The following FLG variants were observed in gnomAD, a reference collection of about 807,000 sequenced individuals.
FLG encodes epidermal filaggrin.
In FLG, 6 loss-of-function variants were observed where a neutral mutation model predicts 3.8. That is an observed-to-expected ratio of 1.60 (90% confidence interval 0.87 to 3.15). FLG has a LOEUF of 3.15. Ranked by LOEUF, FLG falls within the 30% of genes most tolerant of loss-of-function variation. The pLI is 0.00. For missense variants in FLG, 7,595 were observed against 5,050.9 expected, an observed-to-expected ratio of 1.50 and a Z score of -15.27; for synonymous variants, 2,551 against 1,931.6, an observed-to-expected ratio of 1.32 and a Z score of -8.41.
At position 152,313,230 on chromosome 1, in the gene FLG, C is replaced by A; in HGVS notation, c.1656G>T (p.Gln552His). Reference protein sequence around the residue: ...SGSHHSHTTSQGRSDASHGQS... With the variant: ...SGSHHSHTTSHGRSDASHGQS... ...GCCCATGGGAGGCATCAGACCTTCC[C>A]TGGGATGTGGTGTGGCTGTGATGGG... The change falls in exon 3 of 3, where the codon CAG (glutamine) becomes CAT (histidine). Residue 552 changes from glutamine (Q) to histidine (H), a missense_variant. Coordinates refer to ENST00000368799, the MANE Select transcript of FLG (RefSeq NM_002016.2). 1 of 1,613,862 alleles carries A rather than the reference C, an allele frequency of 6.2e-7. No individual in the cohort carries two copies. The highest frequency in any genetic ancestry group is 8.5e-7 in the Non-Finnish European group (1 of 1,180,004).
rs1230662505 is a variant in FLG at position 152,309,903 on chromosome 1, G to C, written c.4983C>G (p.Ser1661=). ...GGGATGATGCAGCCTGTCCACCAGAGGAAGTCTCTGCATGACGAGTGCCTG... is the reference window on the plus strand; with the variant it reads ...GGGATGATGCAGCCTGTCCACCAGACGAAGTCTCTGCATGACGAGTGCCTG... ...RQSGTRHAET[S]SGGQAASSQE... Residue 1661 remains serine, a synonymous_variant, in exon 3 of 3, where the codon TCC becomes TCG. Transcript: ENST00000368799. The C allele has an allele frequency of 5.0e-6, 8 of 1,614,114 alleles. No homozygotes were observed.
At position 152,310,213 on chromosome 1, in the gene FLG, C is replaced by A; in HGVS notation, c.4673G>T (p.Gly1558Val). Residue 1558 changes from glycine (G) to valine (V), a missense_variant, in exon 3 of 3, where the codon GGG becomes GTG. Coordinates refer to ENST00000368799, the MANE Select transcript of FLG (RefSeq NM_002016.2). ...EQSGDGSRHS[G>V]SRHHEPSTRA... ...AGTGGAAGGTTCATGGTGACGTGAC[C>A]CTGAGTGCCTGGAGCCGTCTCCTGA... 1 of 1,613,604 alleles carries A rather than the reference C, an allele frequency of 6.2e-7. No homozygotes were observed. The highest frequency in any genetic ancestry group is 8.5e-7 in the Non-Finnish European group (1 of 1,179,872).
Position 152,305,150 on chromosome 1 carries a change from G to C in FLG, c.9736C>G (p.Gln3246Glu). The change falls in exon 3 of 3, where the codon CAG (glutamine) becomes GAG (glutamate). Residue 3246 changes from glutamine (Q) to glutamate (E), a missense_variant. Transcript: ENST00000368799. ...SRNHRGSVQE[Q>E]SRHGSRHPRS... ...GGGTGTCTGGAGCCGTGCCTTGACTGCTCCTGAACAGATCCACGATGGTTT... is the reference window on the plus strand; with the variant it reads ...GGGTGTCTGGAGCCGTGCCTTGACTCCTCCTGAACAGATCCACGATGGTTT... 1 of 1,613,906 alleles carries C rather than the reference G, an allele frequency of 6.2e-7. No individual in the cohort carries two copies. The highest frequency in any genetic ancestry group is 8.5e-7 in the Non-Finnish European group (1 of 1,179,976).
Position 152,307,589 on chromosome 1 carries a change from T to A in FLG, c.7297A>T (p.Thr2433Ser), listed in dbSNP as rs771774559. The A allele has an allele frequency of 6.2e-7, 1 of 1,613,568 alleles. No individual in the cohort carries two copies. ...QSESAHGRTG[T>S]STGGRQGSHH... ...GATCCTTGTCTTCCTCCAGTGCTGG[T>A]CCCGGTCCGTCCATGGGCGGACTCA... The change falls in exon 3 of 3, where the codon ACC becomes TCC. Residue 2433 changes from threonine (T) to serine (S), a missense_variant. Transcript: ENST00000368799.
Position 152,308,112 on chromosome 1 carries a change from C to A in FLG, c.6774G>T (p.Arg2258Ser), listed in dbSNP as rs1557875018. 1.9e-6 allele frequency: 3 copies of A among 1,613,412 alleles called. No homozygotes were observed. The highest frequency in any genetic ancestry group is 2.5e-6 in the Non-Finnish European group (3 of 1,179,900). Residue 2258 changes from arginine (R) to serine (S), a missense_variant, in exon 3 of 3, where the codon AGG (arginine) becomes AGT (serine). Physicochemically the swap from Arg to Ser is moderately radical, Grantham distance 110. Coordinates refer to ENST00000368799, the MANE Select transcript of FLG (RefSeq NM_002016.2). ...DSEGHSEDSE[R>S]RSGSASRNHH... ...GGTTTCTGGACGCAGACCCAGACCGCCTCTCAGAATCTTCTGAGTGTCCCT... is the reference window on the plus strand; with the variant it reads ...GGTTTCTGGACGCAGACCCAGACCGACTCTCAGAATCTTCTGAGTGTCCCT...
Position 152,312,158 on chromosome 1 carries a change from C to A in FLG, c.2728G>T (p.Gly910Trp). The change falls in exon 3 of 3, where the codon GGG becomes TGG. Residue 910 changes from glycine (G) to tryptophan (W), a missense_variant. Physicochemically the swap from Gly to Trp is radical, Grantham distance 184 (BLOSUM62 -2). Coordinates refer to ENST00000368799, the MANE Select transcript of FLG (RefSeq NM_002016.2). Reference protein sequence around the residue: ...EQSRDGSRHSGSRHHEASSHA... With the variant: ...EQSRDGSRHSWSRHHEASSHA... ...GAGGAAGCTTCATGGTGACGTGACC[C>A]TGAGTGCCTGGAGCCGTCTCTTGAT... The A allele has an allele frequency of 1.2e-6, 2 of 1,614,022 alleles. No homozygotes were observed. Among genetic ancestry groups the A allele is most frequent in the Non-Finnish European group, 1.7e-6 (2 of 1,180,014 alleles).
intron 1 of FLG, among the ~76,000 whole-genome samples, chr1:152,316,389 A>G (rs1652789608): frequency 6.6e-6 from 1 of 152,058 alleles, no homozygotes; most frequent in Non-Finnish European, 1.5e-5. Flanking sequence ...GAGATGAAAA[A>G]GGGGAATTAA....
rs1335777806 is a variant in FLG at position 152,307,439 on chromosome 1, C to T, written c.7447G>A (p.Asp2483Asn). Residue 2483 changes from aspartate (D) to asparagine (N), a missense_variant, in exon 3 of 3, where the codon GAT becomes AAT. Coordinates refer to ENST00000368799, the MANE Select transcript of FLG (RefSeq NM_002016.2). ...TGAGACCCTGAGTGTCCAGATCTAT[C>T]TACCAATTGCTCGTAGTGGGATCCC... ...RQGSHYEQLVDRSGHSGSHHS... is the reference protein window; with the variant it reads ...RQGSHYEQLVNRSGHSGSHHS... 1.2e-6 allele frequency: 2 copies of T among 1,613,276 alleles called. No homozygotes were observed. Among genetic ancestry groups the T allele is most frequent in the East Asian group, 2.2e-5 (1 of 44,730 alleles).
Position 152,311,963 on chromosome 1 carries a change from G to A in FLG, c.2923C>T (p.Gln975Ter), listed in dbSNP as rs779879400. 2.5e-6 allele frequency: 4 copies of A among 1,614,072 alleles called. No individual in the cohort carries two copies. The highest frequency in any genetic ancestry group is 3.4e-6 in the Non-Finnish European group (4 of 1,179,972). Residue 975 changes from glutamine to a stop codon, truncating the protein, a stop_gained, in exon 3 of 3, where the codon CAG becomes TAG. Transcript: ENST00000368799. LOFTEE classifies it low-confidence loss of function (END_TRUNC). ...CTGGAGCCATGTCTTGACTGCTCCT[G>A]AGCAGATCCACGATGGTTTCTGGAA... is the stretch of plus-strand genomic sequence containing the variant. ...SASRNHRGSA[Q>*]EQSRHGSRHP...
chr1:152,303,322 C>T lies in FLG; in HGVS notation c.11564G>A (p.Arg3855Lys), dbSNP rs375448938. 3 of 1,614,074 alleles carry T rather than the reference C, an allele frequency of 1.9e-6. No individual in the cohort carries two copies. The East Asian group carries it at 6.7e-5, about 36-fold the overall frequency. Reference protein sequence around the residue: ...SGQGESAGSRRSRRQGSSVSQ... With the variant: ...SGQGESAGSRKSRRQGSSVSQ... ...AACACTGGATCCCTGGCGCCTGCTT[C>T]TCCTGGACCCCGCTGATTCACCCTG... The change falls in exon 3 of 3, where the codon AGA becomes AAA. Residue 3855 changes from arginine to lysine, a missense_variant. Coordinates refer to ENST00000368799, the MANE Select transcript of FLG (RefSeq NM_002016.2).
chr1:152,311,175 G>T lies in FLG; in HGVS notation c.3711C>A (p.His1237Gln). The T allele has an allele frequency of 6.2e-7, 1 of 1,613,850 alleles. No individual in the cohort carries two copies. Among genetic ancestry groups the T allele is most frequent in the Non-Finnish European group, 8.5e-7 (1 of 1,179,986 alleles). The change falls in exon 3 of 3, where the codon CAC becomes CAA. Residue 1237 changes from histidine (H) to glutamine (Q), a missense_variant. Coordinates refer to ENST00000368799, the MANE Select transcript of FLG (RefSeq NM_002016.2). ...GDGSRHSGSR[H>Q]HEAASWADSS... ...TGTCAGCCCAAGAGGCAGCTTCATG[G>T]TGACGTGACCCTGAGTGCCTGGAGC...
rs748281982 is a variant in FLG at position 152,302,939 on chromosome 1, C to A, written c.11947G>T (p.Asp3983Tyr). 2 of 1,614,196 alleles carry A rather than the reference C, an allele frequency of 1.2e-6. No homozygotes were observed. Among genetic ancestry groups the A allele is most frequent in the South Asian group, 2.2e-5 (2 of 91,084 alleles). ...AACCCGGATTCACCATAATCATAAT[C>A]TGCACTACCATAGCTGCCATGTCTC... Reference protein sequence around the residue: ...VWRHGSYGSADYDYGESGFRH... With the variant: ...VWRHGSYGSAYYDYGESGFRH... Residue 3983 changes from aspartate to tyrosine, a missense_variant, in exon 3 of 3, where the codon GAT (aspartate) becomes TAT (tyrosine). Coordinates refer to ENST00000368799, the MANE Select transcript of FLG (RefSeq NM_002016.2).
chr1:152,311,830 G>A lies in FLG; in HGVS notation c.3056C>T (p.Ala1019Val), dbSNP rs193210331. The stretch of plus-strand genomic sequence containing the variant: ...TGATCTTGCCTGTTCATGGGATGAC[G>A]CAGCCTGTCCACCAGAGGAAGTCTC... ...HAETSSGGQAASSHEQARSSP... is the reference protein window; with the variant it reads ...HAETSSGGQAVSSHEQARSSP... Residue 1019 changes from alanine (A) to valine (V), a missense_variant, in exon 3 of 3, where the codon GCG becomes GTG. Physicochemically the swap from Ala to Val is moderately conservative, Grantham distance 64. Coordinates refer to ENST00000368799, the MANE Select transcript of FLG (RefSeq NM_002016.2). 1.2e-4 allele frequency: 198 copies of A among 1,614,042 alleles called. No homozygotes were observed. The Middle Eastern group carries it at 1.5e-3, about 12-fold the overall frequency.
rs1652572159 is a variant in FLG, at chr1:152,313,019, G to A, written c.1867C>T (p.Gln623Ter). The change falls in exon 3 of 3, where the codon CAG (glutamine) becomes TAG (stop). Residue 623 changes from glutamine (Q) to a stop codon, truncating the protein, a stop_gained. Coordinates refer to ENST00000368799, the MANE Select transcript of FLG (RefSeq NM_002016.2). LOFTEE classifies it low-confidence loss of function (END_TRUNC). ...GAGTGTCCCTGACTGTCACTGTCCT[G>A]GCTAACACTGGATCCCTGGTTCCTA... ...TSRNQGSSVSQDSDSQGHSED... is the reference protein window; with the variant it reads ...TSRNQGSSVS The A allele has an allele frequency of 6.2e-7, 1 of 1,613,960 alleles. No individual in the cohort carries two copies. Among genetic ancestry groups the A allele is most frequent in the Non-Finnish European group, 8.5e-7 (1 of 1,180,018 alleles).
chr1:152,314,225 CT>C lies in FLG; in HGVS notation c.660del (p.Gly221GlufsTer3), dbSNP rs756626190. ...TGTATCCATTTTTGAGTCATTCTTC[CT>C]GTATTTTCATAATCATATACTCCTT... The part of the protein sequence containing the change: ...NEEGVYDYEN[T>X]GRMTQKWIQS... On this transcript the variant is annotated frameshift_variant, in exon 3 of 3. Coordinates refer to ENST00000368799, the MANE Select transcript of FLG (RefSeq NM_002016.2). LOFTEE classifies it low-confidence loss of function (END_TRUNC). The C allele has an allele frequency of 4.3e-6, 7 of 1,613,732 alleles. No individual in the cohort carries two copies. Among genetic ancestry groups the C allele is most frequent in the East Asian group, 4.5e-5 (2 of 44,866 alleles).
At position 152,313,426 on chromosome 1, in the gene FLG, G is replaced by A; in HGVS notation, c.1460C>T (p.Thr487Ile). 1 of 1,613,860 alleles carries A rather than the reference G, an allele frequency of 6.2e-7. No individual in the cohort carries two copies. Among genetic ancestry groups the A allele is most frequent in the Non-Finnish European group, 8.5e-7 (1 of 1,179,976 alleles). ...CGATCCTTGTCTTCCTCCAGTGCTG[G>A]TCCCGGTCCGTCCATGGGCAGAGTC... ...QPDSAHGRTG[T>I]STGGRQGSHH... Residue 487 changes from threonine to isoleucine, a missense_variant, in exon 3 of 3, where the codon ACC (threonine) becomes ATC (isoleucine). Physicochemically the swap from Thr to Ile is moderately conservative, Grantham distance 89. Coordinates refer to ENST00000368799, the MANE Select transcript of FLG (RefSeq NM_002016.2).
chr1:152,307,679 G>C lies in FLG; in HGVS notation c.7207C>G (p.Arg2403Gly). 1 of 1,613,406 alleles carries C rather than the reference G, an allele frequency of 6.2e-7. No individual in the cohort carries two copies. The highest frequency in any genetic ancestry group is 8.5e-7 in the Non-Finnish European group (1 of 1,179,880). ...GAACGTCCAGACCTTCCTGCTGACC[G>C]GCCACGTGTGGACTCTTGGTGGCTC... ...QQSHQESTRG[R>G]SAGRSGRSGS... Residue 2403 changes from arginine to glycine, a missense_variant, in exon 3 of 3, where the codon CGG becomes GGG. By Grantham distance (125) the Arg-to-Gly change is moderately radical. Coordinates refer to ENST00000368799, the MANE Select transcript of FLG (RefSeq NM_002016.2).
At position 152,312,378 on chromosome 1, in the gene FLG, A is replaced by T; in HGVS notation, c.2508T>A (p.Asp836Glu). The T allele has an allele frequency of 6.2e-7, 1 of 1,610,810 alleles. No homozygotes were observed. Among genetic ancestry groups the T allele is most frequent in the African/African-American group, 1.4e-5 (1 of 73,656 alleles). The change falls in exon 3 of 3, where the codon GAT becomes GAA. Residue 836 changes from aspartate (D) to glutamate (E), a missense_variant. Physicochemically the swap from Asp to Glu is conservative, Grantham distance 45. Transcript: ENST00000368799. Reference protein sequence around the residue: ...RDNSRHSASQDGQDTIRGHPG... With the variant: ...RDNSRHSASQEGQDTIRGHPG... Reference sequence around the variant, plus strand: ...GGTGTCCACGAATGGTGTCCTGACCATCTTGGGATGCTGAGTGCCTGGAGT... The same window carrying T: ...GGTGTCCACGAATGGTGTCCTGACCTTCTTGGGATGCTGAGTGCCTGGAGT...
Position 152,303,710 on chromosome 1 carries a change from G to A in FLG, c.11176C>T (p.Arg3726Trp), listed in dbSNP as rs145171931. 1.8e-4 allele frequency: 287 copies of A among 1,613,898 alleles called. 1 individual carries two copies. Among genetic ancestry groups the A allele is most frequent in the Admixed American group, 1.3e-4 (8 of 59,982 alleles). ...CTTCCTCCAGTACTGGGCCCAGCCC[G>A]TCCATGGGCAGACTCAGACTGTTCA... The part of the protein sequence containing the change: ...THEQSESAHG[R>W]AGPSTGGRQG... The change falls in exon 3 of 3, where the codon CGG becomes TGG. Residue 3726 changes from arginine (R) to tryptophan (W), a missense_variant. Arg to Trp is a moderately radical substitution (Grantham distance 101, BLOSUM62 -3). Coordinates refer to ENST00000368799, the MANE Select transcript of FLG (RefSeq NM_002016.2).
Sources: gnomAD v4.1 joint callset for allele counts (sites outside exome capture counted in the v4.1 genomes callset) on GRCh38, gnomAD v4.1.1 for gene constraint, MANE v1.5 for transcripts, NCBI Gene and HGNC (gene_info 2026-07-23, HGNC 2026-07-21) for gene names.